CHD9: variants seen among roughly 807,000 people sequenced by gnomAD.
CHD9 encodes chromodomain helicase DNA binding protein 9, also known as ATP-dependent chromatin remodeler CHD9.
In CHD9, 77 loss-of-function variants were observed where a neutral mutation model predicts 316.1. The observed-to-expected ratio is 0.24, with a 90% CI of 0.20 to 0.29. CHD9 has a LOEUF of 0.29. Ranked by LOEUF, CHD9 falls within the 10% of genes least tolerant of loss-of-function variation. The pLI is 1.00. For missense variants in CHD9, 2,763 were observed against 3,438.1 expected (o/e 0.80, Z 4.91); for synonymous variants, 1,129 against 1,158.3 (o/e 0.97, Z 0.51).
intron 30 of CHD9, among the ~76,000 whole-genome samples, chr16:53,303,346 T>G (rs969127008): frequency 6.6e-6 from 1 of 152,118 alleles, no homozygotes; most frequent in African/African-American, 2.4e-5. Flanking sequence ...TGAGCAAGTG[T>G]TTGTGTTATT....
intron 37 of CHD9, chr16:53,319,727 T>C: frequency 8.7e-6 from 6 of 691,496 alleles, no homozygotes; most frequent in Non-Finnish European, 1.2e-5. Flanking sequence ...CTAAATTTTA[T>C]TTTTAATTAT....
intron 1 of CHD9, among the ~76,000 whole-genome samples, chr16:53,102,054 A>G (rs1372969444): frequency 4.6e-5 from 7 of 152,162 alleles, no homozygotes; most frequent in Non-Finnish European, 8.8e-5. Flanking sequence ...CTCATACTTC[A>G]GGGCTATTAA....
In CHD9 at chr16:53,325,075, G is replaced by A; in HGVS notation, c.*180G>A. On this transcript the variant is annotated 3_prime_UTR_variant, in exon 39 of 39. Transcript: ENST00000447540. ...ATGTAATATTTCTTAAGATTCATAA[G>A]TTTCTGAACTCGTATGTACTATCAA... The A allele has an allele frequency of 3.7e-6, 2 of 538,776 alleles. No homozygotes were observed. Among genetic ancestry groups the A allele is most frequent in the Non-Finnish European group, 6.5e-6 (2 of 308,008 alleles). The allele number at this position is 538,776 out of a possible 1,614,324, so 33.4% of individuals were successfully genotyped here.
chr16:53,191,431 C>G lies in CHD9; in HGVS notation c.1453-18051C>G, dbSNP rs143101220. ...TTACATCAGCCCTCAAAATTTCTTC[C>G]TACCTCTTTCAACCACCACTGCTGG... is the stretch of plus-strand genomic sequence containing the variant. On this transcript the variant is annotated intron_variant, in intron 2 of 38. Coordinates refer to ENST00000447540, the MANE Select transcript of CHD9 (RefSeq NM_001308319.2). Among the ~76,000 whole-genome samples the G allele has an allele frequency of 3.1e-3, 470 of 152,200 alleles. 6 individuals carry two copies. Among genetic ancestry groups the G allele is most frequent in the African/African-American group, 0.011 (455 of 41,538 alleles).
At chr16:53,190,512 C>T (rs1459831860) in intron 2 of CHD9, among the ~76,000 whole-genome samples, 1 of 152,052 alleles carries the variant, frequency 6.6e-6, no homozygotes, top group East Asian at 1.9e-4. Context: ...TGGAATATAA[C>T]TTACGAAATT....
Position 53,156,265 on chromosome 16 carries a change from C to CTGG in CHD9, c.177_178insGGT (p.Thr59_Pro60insGly). ...GATTCACTGAACCATGTTCAAGGTA[C>CTGG]TCCAACACATCAGAAGATGACTGAT... On this transcript the variant is annotated inframe_insertion, in exon 2 of 39. Transcript: ENST00000447540. 1 of 1,613,970 alleles carries CTGG rather than the reference C, an allele frequency of 6.2e-7. No homozygotes were observed. Among genetic ancestry groups the CTGG allele is most frequent in the Non-Finnish European group, 8.5e-7 (1 of 1,179,868 alleles).
At chr16:53,126,586 C>CTTTTTTTTTT (rs200069064) in intron 1 of CHD9, among the ~76,000 whole-genome samples, 1 of 117,656 alleles carries the variant, frequency 8.5e-6, no homozygotes, top group Non-Finnish European at 1.7e-5. Flanking sequence ...TTTCAGGATC[C>CTTTTTTTTTT]TTTTTTTTTT....
At chr16:53,215,242 A>G (rs1414242140) in intron 3 of CHD9, among the ~76,000 whole-genome samples, 3 of 152,136 alleles carry the variant, frequency 2.0e-5, no homozygotes, top group African/African-American at 4.8e-5. Context: ...TAAGAATTCA[A>G]CTGTGCTGAT....
In CHD9 at chr16:53,085,909, C is replaced by T. The variant is rs187776718; in HGVS notation, c.-165+30832C>T. 9.8e-5 allele frequency among the ~76,000 whole-genome samples: 15 copies of T among 152,292 alleles called. No homozygotes were observed. In the East Asian group the frequency reaches 2.5e-3, roughly 26 times the overall value. On this transcript the variant is annotated intron_variant, in intron 1 of 38. Transcript: ENST00000447540. ...TACTTAACCTTGATAATTAAAATCA[C>T]TGTTCTCATTGCCCTTCCTTCATAA...
intron 33 of CHD9, 61 bp downstream of exon 33, chr16:53,308,014 C>CT (rs1248898354): frequency 3.0e-5 from 41 of 1,383,078 alleles, no homozygotes; most frequent in Non-Finnish European, 3.4e-5. Flanking sequence ...CATGCTTTTC[C>CT]TGCAAATGGC....
At chr16:53,299,242 A>G (rs554056658) in intron 30 of CHD9, 1 of 155,696 alleles carries the variant, frequency 6.4e-6, no homozygotes, top group South Asian at 2.0e-4. Context: ...GTTCCAGAAG[A>G]TTCAGGATTT....
chr16:53,203,056 A>G (rs1434582345), intron 2 of CHD9, among the ~76,000 whole-genome samples: 1 of 152,218 alleles, frequency 6.6e-6, no homozygotes, highest in Non-Finnish European at 1.5e-5. Context: ...TATGCATTAA[A>G]TAAAAATCAA....
chr16:53,158,237 A>G (rs2041658490), intron 2 of CHD9, among the ~76,000 whole-genome samples: 1 of 152,226 alleles, frequency 6.6e-6, no homozygotes, highest in African/African-American at 2.4e-5. Context: ...ACCCAGACAT[A>G]GCAGAAGTAT....
chr16:53,221,194 T>C (rs1442366761), intron 3 of CHD9, among the ~76,000 whole-genome samples: 1 of 152,224 alleles, frequency 6.6e-6, no homozygotes, highest in East Asian at 1.9e-4. Flanking sequence ...CCAATATACA[T>C]TATCCCACTT....
At position 53,303,943 on chromosome 16, in the gene CHD9, G is replaced by A. The variant is rs2153080754; in HGVS notation, c.5937G>A (p.Val1979=). Residue 1979 remains valine, a synonymous_variant, in exon 31 of 39, where the codon GTG becomes GTA. Transcript: ENST00000447540. ...DLLIGAAKHG[V]SRTDYHILRD... ...TTATTGGTGCTGCCAAACACGGGGT[G>A]AGCCGAACAGACTATCACATTCTTC... The A allele has an allele frequency of 6.2e-7, 1 of 1,613,990 alleles. No individual in the cohort carries two copies.
chr16:53,173,606 G>A (rs541801754), intron 2 of CHD9, among the ~76,000 whole-genome samples: 2 of 151,608 alleles, frequency 1.3e-5, no homozygotes, highest in South Asian at 2.1e-4. Context: ...GTGCAGTGGC[G>A]CGATCTCAGC....
chr16:53,131,723 C>G (rs1044548415), intron 1 of CHD9, among the ~76,000 whole-genome samples: 4 of 152,126 alleles, frequency 2.6e-5, no homozygotes, highest in African/African-American at 9.7e-5. Flanking sequence ...TTTCCCTGCC[C>G]GTGCTTTCTC....
chr16:53,068,799 G>C (rs2033750903), intron 1 of CHD9, among the ~76,000 whole-genome samples: 1 of 152,212 alleles, frequency 6.6e-6, no homozygotes, highest in Middle Eastern at 3.2e-3. Context: ...CAAGACAAAG[G>C]AAGTAGGGGA....
intron 1 of CHD9, among the ~76,000 whole-genome samples, chr16:53,091,703 A>G (rs990944292): frequency 6.6e-6 from 1 of 152,306 alleles, no homozygotes; most frequent in Middle Eastern, 3.4e-3. Flanking sequence ...TTTGGAATAA[A>G]TAAGTGGAGG....
Sources: allele counts gnomAD v4.1 joint callset (sites outside exome capture counted in the v4.1 genomes callset), GRCh38; gene constraint gnomAD v4.1.1; transcripts MANE v1.5; gene names NCBI Gene and HGNC (gene_info 2026-07-23, HGNC 2026-07-21).